Variants in ARHGAP10 observed in about 807,000 individuals in gnomAD.
ARHGAP10 encodes rho GTPase-activating protein 10.
In ARHGAP10, 87 loss-of-function variants were observed where a neutral mutation model predicts 108.6. The observed-to-expected ratio is 0.80, with a 90% CI of 0.67 to 0.96. The LOEUF is 0.96. ARHGAP10 is among the 40% of genes least tolerant of loss of function. The pLI, the probability that ARHGAP10 is intolerant of heterozygous loss-of-function variation, is 0.00. For missense variants in ARHGAP10, 939 were observed against 954.5 expected (o/e 0.98, Z 0.21); for synonymous variants, 347 against 341.1 (o/e 1.02, Z -0.19).
At chr4:147,789,991 ATTTT>A (rs767313173) in intron 1 of ARHGAP10, among the ~76,000 whole-genome samples, 2 of 117,824 alleles carry the variant, frequency 1.7e-5, no homozygotes, top group Non-Finnish European at 1.8e-5. Flanking sequence ...TGGTGTGTGG[ATTTT>A]TTTTTTTTTT....
At chr4:147,797,030 G>A (rs192505175) in intron 1 of ARHGAP10, among the ~76,000 whole-genome samples, 4 of 152,170 alleles carry the variant, frequency 2.6e-5, no homozygotes, top group African/African-American at 9.6e-5. Flanking sequence ...CCTTGGTTTG[G>A]AAGGACAGTG....
intron 1 of ARHGAP10, among the ~76,000 whole-genome samples, chr4:147,770,003 A>G (rs1021463792): frequency 1.3e-5 from 2 of 152,196 alleles, no homozygotes; most frequent in African/African-American, 4.8e-5. Context: ...CAGCATAAGG[A>G]CCTATGAAAA....
chr4:147,965,578 T>C (rs533184804), intron 17 of ARHGAP10, among the ~76,000 whole-genome samples: 1 of 152,350 alleles, frequency 6.6e-6, no homozygotes, highest in African/African-American at 2.4e-5. Flanking sequence ...ATTAGCCCTT[T>C]CTTTAAGTAT....
At chr4:147,846,729 A>G (rs1733648821) in intron 3 of ARHGAP10, among the ~76,000 whole-genome samples, 2 of 152,224 alleles carry the variant, frequency 1.3e-5, no homozygotes, top group African/African-American at 4.8e-5. Context: ...ACAAGTAGCT[A>G]CAGTCCTAGT....
intron 1 of ARHGAP10, among the ~76,000 whole-genome samples, chr4:147,795,685 T>TTTTAA (rs998685954): frequency 6.6e-6 from 1 of 151,674 alleles, no homozygotes; most frequent in African/African-American, 2.4e-5. Flanking sequence ...TTTTTTATTT[T>TTTTAA]TTTAATTTAA....
In ARHGAP10 at chr4:147,732,340, C is replaced by A. The variant is rs761302592; in HGVS notation, c.39C>A (p.Leu13=). 2 of 1,613,224 alleles carry A rather than the reference C, an allele frequency of 1.2e-6. No individual in the cohort carries two copies. The highest frequency in any genetic ancestry group is 2.2e-5 in the South Asian group (2 of 91,006). ...CCCTGGAGTTCAGCGACTGCTACCT[C>A]GACAGCCCGTGGTTCCGGGAGAGGA... ...LQPLEFSDCY[L]DSPWFRERIR... is the part of the protein sequence containing the mutation. Residue 13 remains leucine (L), a synonymous_variant, in exon 1 of 23, where the codon CTC becomes CTA. Coordinates refer to ENST00000336498, the MANE Select transcript of ARHGAP10 (RefSeq NM_024605.4).
chr4:147,879,362 A>G, intron 9 of ARHGAP10, 24 bp downstream of exon 9: 2 of 1,593,480 alleles, frequency 1.3e-6, no homozygotes, highest in Non-Finnish European at 1.7e-6. Context: ...TCAACATAGA[A>G]TAGATTATAA....
At chr4:147,739,072 A>G (rs1728545890) in intron 1 of ARHGAP10, among the ~76,000 whole-genome samples, 1 of 151,532 alleles carries the variant, frequency 6.6e-6, no homozygotes, top group Non-Finnish European at 1.5e-5. Context: ...CTGTAATCCT[A>G]GCTTCTCGGG....
At chr4:147,738,954 G>A (rs955330847) in intron 1 of ARHGAP10, among the ~76,000 whole-genome samples, 4 of 151,522 alleles carry the variant, frequency 2.6e-5, no homozygotes, top group Non-Finnish European at 5.9e-5. Flanking sequence ...AGGCCGAGGC[G>A]GGTGGATCAC....
At chr4:147,788,779 T>C (rs1041775667) in intron 1 of ARHGAP10, among the ~76,000 whole-genome samples, 5 of 152,214 alleles carry the variant, frequency 3.3e-5, no homozygotes, top group South Asian at 2.1e-4. Flanking sequence ...TAATTATCAG[T>C]ACTTTAGCAG....
At chr4:147,927,482 AT>A (rs1376402155) in intron 13 of ARHGAP10, among the ~76,000 whole-genome samples, 4 of 152,182 alleles carry the variant, frequency 2.6e-5, no homozygotes, top group African/African-American at 9.7e-5. Context: ...AACGTATTGC[AT>A]TTTATGTTTT....
At chr4:148,033,506 A>G (rs1728241443) in intron 19 of ARHGAP10, among the ~76,000 whole-genome samples, 1 of 152,250 alleles carries the variant, frequency 6.6e-6, no homozygotes, top group South Asian at 2.1e-4. Context: ...AACAATGGTT[A>G]TCCTTAGGTG....
Position 147,732,400 on chromosome 4 carries a change from C to T in ARHGAP10, c.99C>T (p.Asn33=), listed in dbSNP as rs767578360. ...RAHEAELERT[N]KFIKELIKDG... is the part of the protein sequence containing the mutation. ...ACGAAGCGGAACTCGAGAGGACCAA[C>T]AAGTTCATCAAAGAGCTCATTAAGG... The change falls in exon 1 of 23, where the codon AAC becomes AAT. Residue 33 remains asparagine, a synonymous_variant. Coordinates refer to ENST00000336498, the MANE Select transcript of ARHGAP10 (RefSeq NM_024605.4). 3 of 1,613,344 alleles carry T rather than the reference C, an allele frequency of 1.9e-6. No individual in the cohort carries two copies. Among genetic ancestry groups the T allele is most frequent in the Non-Finnish European group, 2.5e-6 (3 of 1,179,628 alleles).
chr4:147,979,399 A>G (rs565564189), intron 18 of ARHGAP10, among the ~76,000 whole-genome samples: 1 of 151,938 alleles, frequency 6.6e-6, no homozygotes, highest in African/African-American at 2.4e-5. Context: ...GTTCTGTTCC[A>G]TTGGTCTATA....
At chr4:147,813,860 G>A (rs1732129242) in intron 1 of ARHGAP10, among the ~76,000 whole-genome samples, 2 of 152,078 alleles carry the variant, frequency 1.3e-5, no homozygotes, top group South Asian at 2.1e-4. Flanking sequence ...CTTTCCCATC[G>A]AAAGGATTAC....
At chr4:147,764,800 G>T (rs1318604644) in intron 1 of ARHGAP10, among the ~76,000 whole-genome samples, 1 of 152,186 alleles carries the variant, frequency 6.6e-6, no homozygotes, top group Non-Finnish European at 1.5e-5. Context: ...CTCCCAAAGC[G>T]CTGGGATTAG....
At chr4:147,949,008 T>C (rs1738494571) in intron 15 of ARHGAP10, among the ~76,000 whole-genome samples, 1 of 151,826 alleles carries the variant, frequency 6.6e-6, no homozygotes, top group Non-Finnish European at 1.5e-5. Flanking sequence ...CAGAATCCAT[T>C]GTAGTGGTGG....
intron 10 of ARHGAP10, among the ~76,000 whole-genome samples, chr4:147,895,405 T>C (rs190827640): frequency 1.3e-5 from 2 of 151,426 alleles, no homozygotes; most frequent in Admixed American, 1.3e-4. Context: ...GGCATGGTGG[T>C]TGACACCTGT....
At chr4:147,879,570 G>A (rs1359421484) in intron 9 of ARHGAP10, among the ~76,000 whole-genome samples, 2 of 149,850 alleles carry the variant, frequency 1.3e-5, no homozygotes. Context: ...TTTTTTTTAA[G>A]TTCTGGGATA....
Sources: allele counts gnomAD v4.1 joint callset (sites outside exome capture counted in the v4.1 genomes callset), GRCh38; gene constraint gnomAD v4.1.1; transcripts MANE v1.5; gene names NCBI Gene and HGNC (gene_info 2026-07-23, HGNC 2026-07-21).